The following ERC2 variants were observed in gnomAD, a reference collection of about 807,000 sequenced individuals.
ERC2 encodes the protein ELKS/RAB6-interacting/CAST family member 2.
In ERC2, 42 loss-of-function variants were observed where a neutral mutation model predicts 114.8. That is an observed-to-expected ratio of 0.37 (90% CI 0.29 to 0.47). The LOEUF (loss-of-function observed/expected upper bound fraction) is 0.47. Ranked by LOEUF, ERC2 falls within the 20% of genes least tolerant of loss-of-function variation. ERC2 has a pLI of 0.99. For synonymous variants in ERC2, 454 were observed against 425.5 expected (o/e 1.07, Z -0.82); for missense variants, 939 against 1,150.7 (o/e 0.82, Z 2.66).
intron 3 of ERC2, among the ~76,000 whole-genome samples, chr3:56,241,770 A>G (rs945325635): frequency 6.6e-6 from 1 of 152,200 alleles, no homozygotes; most frequent in Admixed American, 6.5e-5. Flanking sequence ...CTCTAACACT[A>G]GTTTTACATG....
At chr3:55,786,266 T>C (rs1387005652) in intron 14 of ERC2, among the ~76,000 whole-genome samples, 1 of 152,244 alleles carries the variant, frequency 6.6e-6, no homozygotes, top group Non-Finnish European at 1.5e-5. Flanking sequence ...GGCTTAACTA[T>C]ATATTTTAGA....
chr3:55,672,810 C>A (rs1166363430), intron 17 of ERC2, among the ~76,000 whole-genome samples: 1 of 152,164 alleles, frequency 6.6e-6, no homozygotes, highest in East Asian at 1.9e-4. Flanking sequence ...CCAGTCCCTG[C>A]CATGGAAATG....
chr3:55,975,975 T>C (rs1559961173), intron 12 of ERC2, among the ~76,000 whole-genome samples: 1 of 152,226 alleles, frequency 6.6e-6, no homozygotes, highest in Admixed American at 6.5e-5. Flanking sequence ...GACATTCATA[T>C]AGAATTTGTC....
chr3:55,601,941 C>T (rs1006666322), intron 17 of ERC2, among the ~76,000 whole-genome samples: 1 of 152,198 alleles, frequency 6.6e-6, no homozygotes, highest in Non-Finnish European at 1.5e-5. Flanking sequence ...TAACCAGCAT[C>T]CACTGGGAAC....
rs115903673 is a variant in ERC2 at position 55,817,123 on chromosome 3, C to A, written c.2564+71266G>T. 2.2e-3 allele frequency among the ~76,000 whole-genome samples: 334 copies of A among 152,270 alleles called. 1 individual carries two copies. The highest frequency in any genetic ancestry group is 3.8e-3 in the African/African-American group (157 of 41,550). ...TGTGGGTTATTCACTACTTGCTAGA[C>A]CCTGGTTTAAGCACCATTCACGCAA... On this transcript the variant is annotated intron_variant, in intron 14 of 17. Coordinates refer to ENST00000288221, the MANE Select transcript of ERC2 (RefSeq NM_015576.3).
intron 2 of ERC2, among the ~76,000 whole-genome samples, chr3:56,325,921 A>AGAAT (rs200210197): frequency 0.014 from 2,143 of 152,336 alleles, 14 homozygotes; most frequent in South Asian, 0.023. Flanking sequence ...GGTAGGAAAC[A>AGAAT]GAATGAATGA....
At chr3:56,350,706 T>C (rs1440602296) in intron 2 of ERC2, among the ~76,000 whole-genome samples, 1 of 151,962 alleles carries the variant, frequency 6.6e-6, no homozygotes. Flanking sequence ...CAGAACAGAC[T>C]GGAGCCAAGT....
chr3:56,044,437 G>A (rs1040143540), intron 7 of ERC2, among the ~76,000 whole-genome samples: 19 of 151,984 alleles, frequency 1.3e-4, no homozygotes, highest in Middle Eastern at 3.4e-3. Flanking sequence ...GTAACTTTAT[G>A]AGCTGAACAT....
chr3:55,802,738 A>G lies in ERC2; in HGVS notation c.2565-67820T>C, dbSNP rs527390293. 3.3e-5 allele frequency among the ~76,000 whole-genome samples: 5 copies of G among 152,364 alleles called. No individual in the cohort carries two copies. The South Asian group carries it at 1.0e-3, about 32-fold the overall frequency. Reference sequence around the variant, plus strand: ...CTTGGAATAACCCAAGTTAGTTGTTAAGGAAATCAGCAAGTTTAGGGGGAA... The same window carrying G: ...CTTGGAATAACCCAAGTTAGTTGTTGAGGAAATCAGCAAGTTTAGGGGGAA... On this transcript the variant is annotated intron_variant, in intron 14 of 17. Transcript: ENST00000288221.
At chr3:55,879,720 C>A (rs1296533885) in intron 14 of ERC2, among the ~76,000 whole-genome samples, 3 of 152,212 alleles carry the variant, frequency 2.0e-5, no homozygotes, top group African/African-American at 7.2e-5. Context: ...TTTCTTCACA[C>A]TTTATTCATG....
At chr3:55,547,438 G>C (rs1453954523) in intron 17 of ERC2, among the ~76,000 whole-genome samples, 2 of 152,234 alleles carry the variant, frequency 1.3e-5, no homozygotes, top group Admixed American at 6.5e-5. Flanking sequence ...GGCTTTGAAA[G>C]GCTGCCATTG....
chr3:56,008,149 G>A (rs1357643154), intron 9 of ERC2, among the ~76,000 whole-genome samples: 1 of 152,160 alleles, frequency 6.6e-6, no homozygotes, highest in Non-Finnish European at 1.5e-5. Flanking sequence ...CAGACTCCAT[G>A]TATTTCCTTC....
chr3:55,681,562 A>G (rs2062055911), intron 17 of ERC2, among the ~76,000 whole-genome samples: 1 of 152,220 alleles, frequency 6.6e-6, no homozygotes, highest in Non-Finnish European at 1.5e-5. Context: ...TCATTATTTA[A>G]ATCCTTAAAG....
At chr3:55,888,947 A>G (rs551250749) in intron 13 of ERC2, among the ~76,000 whole-genome samples, 97 of 152,300 alleles carry the variant, frequency 6.4e-4, no homozygotes, top group Non-Finnish European at 1.2e-3. Context: ...AAAAACCCTT[A>G]AAAAATGTTT....
intron 7 of ERC2, among the ~76,000 whole-genome samples, chr3:56,056,066 T>G (rs944594795): frequency 6.6e-6 from 1 of 152,250 alleles, no homozygotes; most frequent in Non-Finnish European, 1.5e-5. Context: ...CCATTAGCTT[T>G]CCAGCAAATT....
intron 2 of ERC2, among the ~76,000 whole-genome samples, chr3:56,381,068 A>C (rs186329702): frequency 6.6e-6 from 1 of 152,228 alleles, no homozygotes; most frequent in Non-Finnish European, 1.5e-5. Context: ...CTGATTAATA[A>C]GGAAGCACTT....
intron 1 of ERC2, among the ~76,000 whole-genome samples, chr3:56,446,469 T>C (rs1000843290): frequency 1.3e-5 from 2 of 152,084 alleles, no homozygotes; most frequent in Admixed American, 1.3e-4. Flanking sequence ...TATGTCCTAG[T>C]TGGGGTTCCC....
At chr3:55,655,756 A>T (rs1351981757) in intron 17 of ERC2, among the ~76,000 whole-genome samples, 1 of 152,228 alleles carries the variant, frequency 6.6e-6, no homozygotes, top group Non-Finnish European at 1.5e-5. Flanking sequence ...CCTAGATCAT[A>T]CATAGAAAAG....
intron 17 of ERC2, among the ~76,000 whole-genome samples, chr3:55,662,145 A>G (rs1231268626): frequency 6.6e-6 from 1 of 152,254 alleles, no homozygotes. Flanking sequence ...ATTGGAATGT[A>G]TTTGCCAATT....
Sources: allele counts gnomAD v4.1 joint callset (sites outside exome capture counted in the v4.1 genomes callset), GRCh38; gene constraint gnomAD v4.1.1; transcripts MANE v1.5; gene names NCBI Gene and HGNC (gene_info 2026-07-23, HGNC 2026-07-21).